The following ASTN2 variants were observed in gnomAD, a reference collection of about 807,000 sequenced individuals.
The protein encoded by ASTN2 is astrotactin-2.
In ASTN2, 54 loss-of-function variants were observed where a neutral mutation model predicts 139.8. The ratio of observed to expected loss-of-function variants is 0.39; its 90% CI spans 0.31 to 0.48. ASTN2 has a LOEUF of 0.48. Ranked by LOEUF, ASTN2 falls within the 20% of genes least tolerant of loss-of-function variation. The pLI is 0.95. For synonymous variants in ASTN2, 756 were observed against 719.5 expected, an observed-to-expected ratio of 1.05 and a Z score of -0.81; for missense variants, 1,565 against 1,725.1, an observed-to-expected ratio of 0.91 and a Z score of 1.64.
chr9:116,509,732 T>A (rs552589203), intron 19 of ASTN2, among the ~76,000 whole-genome samples: 21 of 151,882 alleles, frequency 1.4e-4, no homozygotes, highest in Non-Finnish European at 2.4e-4. Context: ...CTCATTGTGG[T>A]TTTGATTTGC....
intron 1 of ASTN2, among the ~76,000 whole-genome samples, chr9:117,389,006 T>C (rs1330581218): frequency 6.6e-6 from 1 of 152,186 alleles, no homozygotes; most frequent in Non-Finnish European, 1.5e-5. Flanking sequence ...GATGAATGTT[T>C]AACTAATCCT....
chr9:117,273,438 G>T (rs547097127), intron 2 of ASTN2, among the ~76,000 whole-genome samples: 7 of 152,164 alleles, frequency 4.6e-5, no homozygotes, highest in Non-Finnish European at 1.0e-4. Context: ...ACAGGTAAAG[G>T]TTAGTTAACA....
chr9:117,306,284 C>T (rs1219355611), intron 1 of ASTN2, among the ~76,000 whole-genome samples: 1 of 152,156 alleles, frequency 6.6e-6, no homozygotes, highest in African/African-American at 2.4e-5. Context: ...AGCTTTTGGG[C>T]ATAATTTTCC....
intron 3 of ASTN2, among the ~76,000 whole-genome samples, chr9:117,184,380 C>T (rs1343409393): frequency 1.3e-5 from 2 of 152,144 alleles, no homozygotes; most frequent in African/African-American, 4.8e-5. Flanking sequence ...TCAGGCAGCA[C>T]TTAACGCAAT....
chr9:117,297,674 G>C (rs967539778), intron 1 of ASTN2, among the ~76,000 whole-genome samples: 6 of 152,192 alleles, frequency 3.9e-5, no homozygotes, highest in African/African-American at 1.4e-4. Context: ...GGCCTGAAGG[G>C]GCAAGGGATG....
intron 16 of ASTN2, among the ~76,000 whole-genome samples, chr9:116,694,643 T>G (rs1485536730): frequency 1.3e-5 from 2 of 148,792 alleles, no homozygotes; most frequent in Admixed American, 6.7e-5. Flanking sequence ...TTTTTTTTTT[T>G]TGTATTTTTA....
At chr9:117,408,887 C>T (rs1392851801) in intron 1 of ASTN2, among the ~76,000 whole-genome samples, 1 of 152,118 alleles carries the variant, frequency 6.6e-6, no homozygotes, top group African/African-American at 2.4e-5. Flanking sequence ...ATTTCATCGG[C>T]TTTGAGATGG....
chr9:117,337,862 C>T (rs1387615777), intron 1 of ASTN2, among the ~76,000 whole-genome samples: 3 of 152,124 alleles, frequency 2.0e-5, no homozygotes, highest in African/African-American at 7.2e-5. Flanking sequence ...CCAAGGTGCT[C>T]ATGACCTCGG....
rs186181268 is a variant in ASTN2, at chr9:117,217,537, T to C, written c.631-2795A>G. ...CCTTCCAGTAGTAAATGGCTAAGTG[T>C]TGGCATCAGACTGACATGATTTTAT... On this transcript the variant is annotated intron_variant, in intron 2 of 22. Coordinates refer to ENST00000313400, the MANE Select transcript of ASTN2 (RefSeq NM_001365068.1). Among the ~76,000 whole-genome samples the C allele has an allele frequency of 2.0e-5, 3 of 152,324 alleles. No individual in the cohort carries two copies. In the East Asian group the frequency reaches 5.8e-4, roughly 29 times the overall value.
chr9:117,072,306 C>T (rs907931444), intron 5 of ASTN2, among the ~76,000 whole-genome samples: 5 of 152,186 alleles, frequency 3.3e-5, no homozygotes, highest in Non-Finnish European at 7.3e-5. Flanking sequence ...AAATTCATAT[C>T]TAATACAGAC....
chr9:116,649,734 G>A (rs1000725862), intron 17 of ASTN2, among the ~76,000 whole-genome samples: 1 of 151,650 alleles, frequency 6.6e-6, no homozygotes, highest in African/African-American at 2.4e-5. Flanking sequence ...TCCCATGGAT[G>A]GGAATTTGGG....
chr9:117,399,675 C>T (rs1830771038), intron 1 of ASTN2, among the ~76,000 whole-genome samples: 2 of 152,188 alleles, frequency 1.3e-5, no homozygotes, highest in Non-Finnish European at 2.9e-5. Flanking sequence ...TATGAGCACC[C>T]TGCTTTTCTA....
Position 117,238,088 on chromosome 9 carries a change from G to C in ASTN2, c.631-23346C>G, listed in dbSNP as rs78365264. ...CTCATGTAGCTCCAATTGCAACCTG[G>C]CTCCCTAGAAGGAGGGGAGAGGCTG... On this transcript the variant is annotated intron_variant, in intron 2 of 22. Coordinates refer to ENST00000313400, the MANE Select transcript of ASTN2 (RefSeq NM_001365068.1). Among the ~76,000 whole-genome samples the C allele has an allele frequency of 5.4e-3, 818 of 152,252 alleles. 11 individuals are homozygous for C. Among genetic ancestry groups the C allele is most frequent in the African/African-American group, 0.019 (787 of 41,540 alleles).
At chr9:117,212,536 T>C (rs1246999961) in intron 3 of ASTN2, among the ~76,000 whole-genome samples, 1 of 151,996 alleles carries the variant, frequency 6.6e-6, no homozygotes. Flanking sequence ...ATCCAGAATA[T>C]ACAAGAGACT....
intron 11 of ASTN2, among the ~76,000 whole-genome samples, chr9:116,859,570 A>G (rs1369121538): frequency 6.6e-6 from 1 of 152,244 alleles, no homozygotes; most frequent in Non-Finnish European, 1.5e-5. Context: ...GTATCCACAA[A>G]GAAGTAAAGG....
chr9:117,173,302 A>G (rs942333262), intron 3 of ASTN2, among the ~76,000 whole-genome samples: 2 of 152,178 alleles, frequency 1.3e-5, no homozygotes, highest in Non-Finnish European at 2.9e-5. Flanking sequence ...AGATTTTTGC[A>G]CATCTGTCTT....
intron 11 of ASTN2, among the ~76,000 whole-genome samples, chr9:116,842,050 C>G (rs1832277718): frequency 6.6e-6 from 1 of 152,158 alleles, no homozygotes; most frequent in South Asian, 2.1e-4. Flanking sequence ...TTTCCCTGAA[C>G]CACATGGAGG....
chr9:116,683,831 C>T, intron 16 of ASTN2, among the ~76,000 whole-genome samples: 3 of 19,226 alleles, frequency 1.6e-4, no homozygotes, highest in Non-Finnish European at 2.6e-4. Flanking sequence ...CAGTAAGAAT[C>T]TGTTTTTGTC....
At chr9:117,064,083 C>T (rs555781298) in intron 5 of ASTN2, among the ~76,000 whole-genome samples, 12 of 152,004 alleles carry the variant, frequency 7.9e-5, no homozygotes, top group African/African-American at 2.4e-4. Flanking sequence ...TATGTTCTGG[C>T]CGAGACTTGT....
Sources: allele counts gnomAD v4.1 joint callset (sites outside exome capture counted in the v4.1 genomes callset), GRCh38; gene constraint gnomAD v4.1.1; transcripts MANE v1.5; gene names NCBI Gene and HGNC (gene_info 2026-07-23, HGNC 2026-07-21).